Variants in BMP6 observed in about 807,000 individuals in gnomAD.
BMP6 encodes the protein VG-1-R.
BMP6 carries 17 observed loss-of-function variants against 54.1 expected under a neutral mutation model. The observed-to-expected ratio is 0.31, with a 90% CI of 0.22 to 0.47. The LOEUF is 0.47. Ranked by LOEUF, BMP6 falls within the 20% of genes least tolerant of loss-of-function variation. BMP6 has a pLI of 1.00. For synonymous variants in BMP6, 328 were observed against 291.2 expected (o/e 1.13, Z -1.28); for missense variants, 720 against 690.4 (o/e 1.04, Z -0.48).
chr6:7,769,076 T>A (rs1449491266), intron 1 of BMP6, among the ~76,000 whole-genome samples: 1 of 152,182 alleles, frequency 6.6e-6, no homozygotes, highest in Admixed American at 6.5e-5. Flanking sequence ...GCACATTCAC[T>A]GAGTATGTGA....
chr6:7,746,839 G>A (rs1382530170), intron 1 of BMP6, among the ~76,000 whole-genome samples: 1 of 152,148 alleles, frequency 6.6e-6, no homozygotes, highest in African/African-American at 2.4e-5. Flanking sequence ...CAGTGAGCTG[G>A]GCCTTGTTCA....
intron 1 of BMP6, among the ~76,000 whole-genome samples, chr6:7,747,409 G>A (rs971290259): frequency 2.0e-5 from 3 of 152,192 alleles, no homozygotes; most frequent in African/African-American, 7.2e-5. Flanking sequence ...CTCGAAACAT[G>A]AGCACCTTTG....
intron 1 of BMP6, among the ~76,000 whole-genome samples, chr6:7,778,842 C>CT (rs1377170699): frequency 6.6e-6 from 1 of 152,198 alleles, no homozygotes; most frequent in Non-Finnish European, 1.5e-5. Context: ...AGGGCACTGT[C>CT]TATCATTTCT....
intron 1 of BMP6, among the ~76,000 whole-genome samples, chr6:7,842,137 C>T (rs1046629688): frequency 7.2e-5 from 11 of 152,038 alleles, no homozygotes; most frequent in African/African-American, 2.2e-4. Context: ...TGCCTATTAC[C>T]GTGTGACAAA....
intron 1 of BMP6, among the ~76,000 whole-genome samples, chr6:7,799,786 A>G (rs1278638080): frequency 1.3e-5 from 2 of 151,768 alleles, no homozygotes; most frequent in African/African-American, 4.8e-5. Flanking sequence ...AAAGCATATT[A>G]TCATAGAGTC....
chr6:7,862,480 C>G lies in BMP6; in HGVS notation c.1186C>G (p.Arg396Gly). The change falls in exon 4 of 7, where the codon CGG becomes GGG. Residue 396 changes from arginine to glycine, a missense_variant. Arg to Gly is a moderately radical substitution (Grantham distance 125). Transcript: ENST00000283147. Reference protein sequence around the residue: ...NRSTQSQDVARVSSASDYNSS... With the variant: ...NRSTQSQDVAGVSSASDYNSS... ...CTCTACCCAGTCCCAGGACGTGGCG[C>G]GGGTCTCCAGTGCTTCAGGTGGGTT... The G allele has an allele frequency of 5.6e-6, 9 of 1,614,028 alleles. No individual in the cohort carries two copies. Among genetic ancestry groups the G allele is most frequent in the Non-Finnish European group, 6.8e-6 (8 of 1,179,994 alleles).
intron 2 of BMP6, among the ~76,000 whole-genome samples, chr6:7,855,553 C>CTTTTTTT (rs778898901): frequency 1.9e-5 from 2 of 105,042 alleles, no homozygotes; most frequent in African/African-American, 3.8e-5. Context: ...CTCTCTCTCT[C>CTTTTTTT]TTTTTTTTTT....
intron 2 of BMP6, among the ~76,000 whole-genome samples, chr6:7,850,235 TG>T (rs1190203716): frequency 6.6e-6 from 1 of 152,050 alleles, no homozygotes; most frequent in East Asian, 1.9e-4. Context: ...CTCCACCTCC[TG>T]GGTTCAAGCC....
intron 1 of BMP6, among the ~76,000 whole-genome samples, chr6:7,733,179 T>G (rs1375074513): frequency 6.6e-6 from 1 of 152,206 alleles, no homozygotes; most frequent in Non-Finnish European, 1.5e-5. Flanking sequence ...GTGCTGGGAT[T>G]ACAGGCTCAC....
At chr6:7,819,309 TG>T (rs1339560903) in intron 1 of BMP6, among the ~76,000 whole-genome samples, 1 of 152,180 alleles carries the variant, frequency 6.6e-6, no homozygotes. Context: ...CTGAGTATAC[TG>T]GGTATAATTG....
At chr6:7,788,871 G>GTT (rs10532545) in intron 1 of BMP6, among the ~76,000 whole-genome samples, 1,953 of 140,392 alleles carry the variant, frequency 0.014, 50 homozygotes, top group African/African-American at 0.047. Flanking sequence ...TCCTATCTCT[G>GTT]TTTTTTTTTT....
At chr6:7,849,565 T>C (rs1759113093) in intron 2 of BMP6, among the ~76,000 whole-genome samples, 1 of 152,226 alleles carries the variant, frequency 6.6e-6, no homozygotes, top group South Asian at 2.1e-4. Context: ...ATCTTTGTTC[T>C]GTAGCACCTT....
chr6:7,813,475 A>AAAC (rs1758471732), intron 1 of BMP6, among the ~76,000 whole-genome samples: 8 of 146,208 alleles, frequency 5.5e-5, no homozygotes, highest in Admixed American at 2.1e-4. Context: ...AAAAAAAAAA[A>AAAC]AAAAAACTAT....
At chr6:7,737,686 T>G (rs980565282) in intron 1 of BMP6, among the ~76,000 whole-genome samples, 1 of 152,150 alleles carries the variant, frequency 6.6e-6, no homozygotes, top group Admixed American at 6.5e-5. Context: ...GCAACTCCAT[T>G]GCACTTATTT....
rs575341233 is a variant in BMP6, at chr6:7,850,414, A to T, written c.857+5082A>T. 7.2e-5 allele frequency among the ~76,000 whole-genome samples: 11 copies of T among 152,310 alleles called. No homozygotes were observed. In the East Asian group the frequency reaches 2.1e-3, roughly 29 times the overall value. ...TGTGTAGTTCAGTGGTAATAAACATATATTCTTTTCTTCCCCCTTCATCCC... is the reference window on the plus strand; with the variant it reads ...TGTGTAGTTCAGTGGTAATAAACATTTATTCTTTTCTTCCCCCTTCATCCC... On this transcript the variant is annotated intron_variant, in intron 2 of 6. Transcript: ENST00000283147.
intron 1 of BMP6, among the ~76,000 whole-genome samples, chr6:7,746,165 C>T (rs554636717): frequency 3.9e-5 from 6 of 152,184 alleles, no homozygotes; most frequent in African/African-American, 1.4e-4. Flanking sequence ...CTGAGAGGTC[C>T]GAGGTGCCTG....
At chr6:7,794,194 A>G (rs186288249) in intron 1 of BMP6, among the ~76,000 whole-genome samples, 1 of 152,158 alleles carries the variant, frequency 6.6e-6, no homozygotes, top group African/African-American at 2.4e-5. Flanking sequence ...GTTCTGTCAA[A>G]CCTATTACTT....
intron 2 of BMP6, among the ~76,000 whole-genome samples, chr6:7,854,807 C>T (rs1759200521): frequency 6.6e-6 from 1 of 150,972 alleles, no homozygotes; most frequent in Non-Finnish European, 1.5e-5. Flanking sequence ...AATAAACAGA[C>T]AAACTAACTA....
chr6:7,763,703 C>T (rs1301753479), intron 1 of BMP6, among the ~76,000 whole-genome samples: 1 of 152,102 alleles, frequency 6.6e-6, no homozygotes, highest in Non-Finnish European at 1.5e-5. Context: ...GGGGACACTG[C>T]CCCTCCATTT....
Sources: allele counts gnomAD v4.1 joint callset (sites outside exome capture counted in the v4.1 genomes callset), GRCh38; gene constraint gnomAD v4.1.1; transcripts MANE v1.5; gene names NCBI Gene and HGNC (gene_info 2026-07-23, HGNC 2026-07-21).